TRIM34: variants seen among roughly 807,000 people sequenced by gnomAD.
The protein encoded by TRIM34 is E3 ubiquitin-protein ligase TRIM34.
Under a neutral mutation model 38.1 loss-of-function variants are expected in TRIM34, and 41 were observed. The observed-to-expected ratio is 1.08, with a 90% CI of 0.84 to 1.40. The LOEUF (loss-of-function observed/expected upper bound fraction) is 1.40. Among genes scored for constraint, TRIM34 ranks in the 40% most tolerant of loss-of-function variants. The pLI, the probability that TRIM34 is intolerant of heterozygous loss-of-function variation, is 0.00. For missense variants in TRIM34, 556 were observed against 571.4 expected, an observed-to-expected ratio of 0.97 and a Z score of 0.27; for synonymous variants, 200 against 202.5, an observed-to-expected ratio of 0.99 and a Z score of 0.10.
Position 5,629,997 on chromosome 11 carries a change from C to T in TRIM34, c.-77-2258C>T, listed in dbSNP as rs527256812. Among the ~76,000 whole-genome samples the T allele has an allele frequency of 1.1e-4, 16 of 152,286 alleles. No individual in the cohort carries two copies. The South Asian group carries it at 3.1e-3, about 30-fold the overall frequency. Reference sequence around the variant, plus strand: ...CTGAGATTACAGGGGTGAGCCACCGCGCCCGGCCTCAGTGAGGATTCTTAC... The same window carrying T: ...CTGAGATTACAGGGGTGAGCCACCGTGCCCGGCCTCAGTGAGGATTCTTAC... On this transcript the variant is annotated intron_variant, in intron 1 of 7. Transcript: ENST00000429814.
Position 5,630,001 on chromosome 11 carries a change from C to T in TRIM34, c.-77-2254C>T, listed in dbSNP as rs548687841. Among the ~76,000 whole-genome samples the T allele has an allele frequency of 2.6e-3, 391 of 152,238 alleles. 2 individuals carry two copies. The highest frequency in any genetic ancestry group is 9.0e-3 in the African/African-American group (376 of 41,554). On this transcript the variant is annotated intron_variant, in intron 1 of 7. Transcript: ENST00000429814. ...GATTACAGGGGTGAGCCACCGCGCC[C>T]GGCCTCAGTGAGGATTCTTACGGTG...
At chr11:5,638,999 T>C (rs1162769100) in intron 4 of TRIM34, among the ~76,000 whole-genome samples, 2 of 152,162 alleles carry the variant, frequency 1.3e-5, no homozygotes, top group African/African-American at 2.4e-5. Flanking sequence ...TCTATATCTA[T>C]CTTTAACTAG....
chr11:5,624,629 G>A (rs1043918958), upstream of TRIM34, among the ~76,000 whole-genome samples: 2 of 151,810 alleles, frequency 1.3e-5, no homozygotes, highest in African/African-American at 4.9e-5. Context: ...TTGATGTTTT[G>A]GAATGGATCA....
chr11:5,622,379 A>T (rs1393959124), upstream of TRIM34, among the ~76,000 whole-genome samples: 3 of 150,912 alleles, frequency 2.0e-5, no homozygotes, highest in East Asian at 5.9e-4. Context: ...CGGCAGGCGG[A>T]GCTTGTAGTG....
rs1849518588 is a variant in TRIM34 at position 5,632,387 on chromosome 11, T to C, written c.56T>C (p.Leu19Pro). The change falls in exon 2 of 8, where the codon CTG (leucine) becomes CCG (proline). Residue 19 changes from leucine (L) to proline (P), a missense_variant. Leu to Pro is a moderately conservative substitution (Grantham distance 98). Coordinates refer to ENST00000429814, the MANE Select transcript of TRIM34 (RefSeq NM_021616.6). ...VQEEVTCPIC[L>P]ELLTEPLSLD... The stretch of plus-strand genomic sequence containing the variant: ...GAGGAGGTGACCTGTCCCATCTGCC[T>C]GGAGCTGTTGACAGAACCCTTGAGT... 6.2e-7 allele frequency: 1 copy of C among 1,613,994 alleles called. No homozygotes were observed.
chr11:5,638,584 G>C (rs1849846590), intron 4 of TRIM34, among the ~76,000 whole-genome samples: 1 of 152,242 alleles, frequency 6.6e-6, no homozygotes, highest in South Asian at 2.1e-4. Flanking sequence ...ATGACTAACA[G>C]AAGTTAAGGA....
chr11:5,626,722 A>T (rs1849255042), intron 1 of TRIM34: 1 of 152,120 alleles, frequency 6.6e-6, no homozygotes, highest in South Asian at 2.1e-4. Context: ...TCTACTAAAA[A>T]AATGCAAAAA....
chr11:5,628,380 C>T (rs1237058747), intron 1 of TRIM34, among the ~76,000 whole-genome samples: 1 of 152,218 alleles, frequency 6.6e-6, no homozygotes, highest in Non-Finnish European at 1.5e-5. Flanking sequence ...CATATAAACT[C>T]CTTGTCTTAC....
Position 5,642,994 on chromosome 11 carries a change from A to G in TRIM34, c.902-150A>G, listed in dbSNP as rs935971795. The G allele has an allele frequency of 5.2e-6, 7 of 1,345,202 alleles. No homozygotes were observed. The South Asian group carries it at 1.1e-4, about 20-fold the overall frequency. The allele number at this position is 1,345,202 out of a possible 1,614,324, so 83.3% of individuals were successfully genotyped here. ...ATTTCTCCAGTGTTTTACCCCTCCA[A>G]TTCATCAGTGCAAGTTTTTCAGTCA... On this transcript the variant is annotated intron_variant, in intron 7 of 7. Transcript: ENST00000429814.
Position 5,643,836 on chromosome 11 carries a change from T to G in TRIM34, c.*127T>G, listed in dbSNP as rs1209196814. On this transcript the variant is annotated 3_prime_UTR_variant, in exon 8 of 8. Coordinates refer to ENST00000429814, the MANE Select transcript of TRIM34 (RefSeq NM_021616.6). ...TTAGAACTTTTACTCATCCTTGAGA[T>G]GTATGGTGTATTTGGCTTGAGTTAT... 7.9e-7 allele frequency: 1 copy of G among 1,261,814 alleles called. No homozygotes were observed. The highest frequency in any genetic ancestry group is 2.4e-5 in the Admixed American group (1 of 40,970). 78.2% of individuals were successfully genotyped at this position (1,261,814 alleles called of 1,614,324 possible). A position where few individuals can be genotyped will look rare whatever the true frequency, so the allele number is the denominator to read the frequency against.
chr11:5,623,396 C>G (rs1333975538), upstream of TRIM34, among the ~76,000 whole-genome samples: 1 of 151,950 alleles, frequency 6.6e-6, no homozygotes, highest in Non-Finnish European at 1.5e-5. Flanking sequence ...GAGACAGAGT[C>G]TTGCTCTGAC....
upstream of TRIM34, among the ~76,000 whole-genome samples, chr11:5,623,394 G>A (rs982493745): frequency 4.0e-5 from 6 of 151,874 alleles, no homozygotes; most frequent in Non-Finnish European, 1.5e-5. Context: ...TTGAGACAGA[G>A]TCTTGCTCTG....
chr11:5,623,536 T>TTG (rs1849074507), upstream of TRIM34, among the ~76,000 whole-genome samples: 1 of 126,058 alleles, frequency 7.9e-6, no homozygotes, highest in Non-Finnish European at 1.7e-5. Context: ...CCCGGCTAAT[T>TTG]TTTTTTTTTT....
chr11:5,627,385 A>G (rs1003489778), intron 1 of TRIM34, among the ~76,000 whole-genome samples: 1 of 152,176 alleles, frequency 6.6e-6, no homozygotes, highest in African/African-American at 2.4e-5. Flanking sequence ...CGTCTCAAAA[A>G]AAAAGGAAGG....
In TRIM34 at chr11:5,644,346, A is replaced by T. The variant is rs1176923082; in HGVS notation, c.*637A>T. 5.0e-6 allele frequency: 2 copies of T among 398,194 alleles called. No homozygotes were observed. The highest frequency in any genetic ancestry group is 4.4e-5 in the Admixed American group (1 of 22,710). The allele number at this position is 398,194 out of a possible 1,614,324, so 24.7% of individuals were successfully genotyped here. On this transcript the variant is annotated 3_prime_UTR_variant, in exon 8 of 8. Transcript: ENST00000429814. ...AACTAAGTGTCTCTAAATGTAATGC[A>T]TCGATTTAGTGTCTGGAACATAATA...
upstream of TRIM34, among the ~76,000 whole-genome samples, chr11:5,623,105 C>CTTTTTTTTTT (rs11301714): frequency 1.9e-5 from 2 of 106,836 alleles, no homozygotes; most frequent in Non-Finnish European, 3.7e-5. Context: ...CTGTCTGGAG[C>CTTTTTTTTTT]TTTTTTTTTT....
chr11:5,626,267 A>G (rs182440557), intron 1 of TRIM34, among the ~76,000 whole-genome samples: 1 of 152,194 alleles, frequency 6.6e-6, no homozygotes, highest in Non-Finnish European at 1.5e-5. Context: ...AATATGAAAT[A>G]TACGTGGAAG....
chr11:5,624,285 C>T (rs2133902217), upstream of TRIM34, among the ~76,000 whole-genome samples: 1 of 152,300 alleles, frequency 6.6e-6, no homozygotes, highest in African/African-American at 2.4e-5. Flanking sequence ...CACCCATTTA[C>T]TGTGCACAGT....
upstream of TRIM34, among the ~76,000 whole-genome samples, chr11:5,622,490 C>T (rs1849028023): frequency 2.9e-5 from 4 of 135,856 alleles, no homozygotes; most frequent in Admixed American, 7.8e-5. Context: ...GACGTGGTGG[C>T]GCATGCCTGT....
Sources: allele counts gnomAD v4.1 joint callset (sites outside exome capture counted in the v4.1 genomes callset), GRCh38; gene constraint gnomAD v4.1.1; transcripts MANE v1.5; gene names NCBI Gene and HGNC (gene_info 2026-07-23, HGNC 2026-07-21).